The following CTNNA2 variants were observed in gnomAD, a reference collection of about 807,000 sequenced individuals.
The protein encoded by CTNNA2 is catenin alpha-2.
In CTNNA2, 42 loss-of-function variants were observed where a neutral mutation model predicts 101.0. That is an observed-to-expected ratio of 0.42 (90% CI 0.32 to 0.54). The LOEUF (loss-of-function observed/expected upper bound fraction) is 0.54, where lower values mean the gene tolerates loss of function less well. CTNNA2 is among the 20% of genes least tolerant of loss of function. CTNNA2 has a pLI of 0.14. For missense variants in CTNNA2, 871 were observed against 1,223.1 expected (o/e 0.71, Z 4.29); for synonymous variants, 450 against 456.4 (o/e 0.99, Z 0.18).
chr2:80,327,664 A>T lies in CTNNA2; in HGVS notation c.1057-65547A>T, dbSNP rs140292200. Reference sequence around the variant, plus strand: ...GGACGTGTGGAAATCTAAGTATGTTATCATTCACTGACAACCACTAATGAA... The same window carrying T: ...GGACGTGTGGAAATCTAAGTATGTTTTCATTCACTGACAACCACTAATGAA... On this transcript the variant is annotated intron_variant, in intron 7 of 18. Coordinates refer to ENST00000402739, the MANE Select transcript of CTNNA2 (RefSeq NM_001282597.3). Among the ~76,000 whole-genome samples the T allele has an allele frequency of 7.1e-3, 1,078 of 152,354 alleles. 14 individuals carry two copies. Among genetic ancestry groups the T allele is most frequent in the African/African-American group, 0.024 (1,016 of 41,580 alleles).
At chr2:80,411,546 TTACTC>T (rs1679575925) in intron 8 of CTNNA2, among the ~76,000 whole-genome samples, 1 of 152,164 alleles carries the variant, frequency 6.6e-6, no homozygotes, top group Non-Finnish European at 1.5e-5. Flanking sequence ...TATATATACT[TTACTC>T]GTTCAGGAAT....
chr2:80,209,103 C>T (rs1245096949), intron 7 of CTNNA2, among the ~76,000 whole-genome samples: 1 of 151,964 alleles, frequency 6.6e-6, no homozygotes, highest in Admixed American at 6.6e-5. Context: ...TGTGAAACCA[C>T]CAACTACATC....
intron 9 of CTNNA2, among the ~76,000 whole-genome samples, chr2:80,490,536 T>C (rs190022170): frequency 6.6e-6 from 1 of 152,274 alleles, no homozygotes; most frequent in Admixed American, 6.5e-5. Flanking sequence ...ATAAAACTAC[T>C]CTTTGTCTGT....
chr2:80,576,358 C>T (rs1473774091), intron 13 of CTNNA2: 1 of 141,850 alleles, frequency 7.0e-6, no homozygotes, highest in Non-Finnish European at 1.5e-5. Context: ...CAATCTACCC[C>T]TCTTCCATGA....
chr2:80,409,171 C>T (rs1006127118), intron 8 of CTNNA2, among the ~76,000 whole-genome samples: 3 of 152,100 alleles, frequency 2.0e-5, no homozygotes, highest in Non-Finnish European at 4.4e-5. Context: ...TCCACCTTCA[C>T]CCTTGCCACC....
At chr2:80,271,098 T>A (rs1349138501) in intron 7 of CTNNA2, among the ~76,000 whole-genome samples, 1 of 152,208 alleles carries the variant, frequency 6.6e-6, no homozygotes, top group East Asian at 1.9e-4. Context: ...TGGACTATTT[T>A]GCTGTTAGTG....
At chr2:80,018,788 A>AG (rs1694343438) in intron 7 of CTNNA2, among the ~76,000 whole-genome samples, 1 of 151,902 alleles carries the variant, frequency 6.6e-6, no homozygotes, top group South Asian at 2.1e-4. Flanking sequence ...GTAAAAAAAA[A>AG]AAAAAAAAAA....
At chr2:80,473,077 T>G (rs1391135042) in intron 9 of CTNNA2, among the ~76,000 whole-genome samples, 2 of 152,190 alleles carry the variant, frequency 1.3e-5, no homozygotes, top group Non-Finnish European at 2.9e-5. Flanking sequence ...TTAAGGACAG[T>G]ACTATTTGAG....
intron 3 of CTNNA2, among the ~76,000 whole-genome samples, chr2:79,772,245 G>T (rs574475339): frequency 1.1e-4 from 17 of 152,034 alleles, no homozygotes; most frequent in Non-Finnish European, 1.2e-4. Flanking sequence ...TAATCAGTTT[G>T]ATATTAAAAA....
intron 2 of CTNNA2, among the ~76,000 whole-genome samples, chr2:79,225,106 G>A (rs543910164): frequency 2.3e-4 from 35 of 151,818 alleles, no homozygotes; most frequent in African/African-American, 7.5e-4. Context: ...GTCTTTTTGC[G>A]GATATATATT....
intron 2 of CTNNA2, among the ~76,000 whole-genome samples, chr2:79,233,953 C>T (rs188966243): frequency 6.7e-6 from 1 of 150,212 alleles, no homozygotes; most frequent in Non-Finnish European, 1.5e-5. Context: ...TGAGATGCAT[C>T]TCATGAAAAG....
At chr2:79,808,752 G>T (rs1676773100) in intron 3 of CTNNA2, among the ~76,000 whole-genome samples, 1 of 151,352 alleles carries the variant, frequency 6.6e-6, no homozygotes. Flanking sequence ...TTGGGGTCAA[G>T]GTTAATGTTT....
chr2:80,523,735 A>G (rs1166245713), intron 9 of CTNNA2, among the ~76,000 whole-genome samples: 3 of 152,200 alleles, frequency 2.0e-5, no homozygotes, highest in African/African-American at 4.8e-5. Flanking sequence ...AGGTTAATAC[A>G]GAAGAGGCAG....
chr2:80,603,732 G>A (rs992230286), intron 15 of CTNNA2: 2 of 187,730 alleles, frequency 1.1e-5, no homozygotes, highest in Non-Finnish European at 1.1e-5. Flanking sequence ...TTGTTATAAA[G>A]TCAGAATGAG....
At chr2:80,605,014 A>G (rs971816289) in intron 16 of CTNNA2, 3 of 152,006 alleles carry the variant, frequency 2.0e-5, no homozygotes, top group African/African-American at 7.2e-5. Flanking sequence ...GCTCCACCAT[A>G]AACGGGATTA....
At chr2:80,560,096 G>T (rs1224357310) in intron 12 of CTNNA2, among the ~76,000 whole-genome samples, 4 of 150,878 alleles carry the variant, frequency 2.7e-5, no homozygotes, top group Admixed American at 2.0e-4. Context: ...TTTAAAAAGG[G>T]TTCTATGTTA....
At chr2:79,809,087 G>C (rs1036949567) in intron 3 of CTNNA2, among the ~76,000 whole-genome samples, 1 of 152,106 alleles carries the variant, frequency 6.6e-6, no homozygotes, top group African/African-American at 2.4e-5. Flanking sequence ...ATGGTGTCCA[G>C]CTTCATCCAT....
chr2:79,235,093 C>G (rs1226790650), intron 2 of CTNNA2, among the ~76,000 whole-genome samples: 1 of 152,174 alleles, frequency 6.6e-6, no homozygotes, highest in Non-Finnish European at 1.5e-5. Context: ...GGTAAGGGGG[C>G]ACGCTGGCTT....
At chr2:80,542,352 T>C (rs1323601904) in intron 9 of CTNNA2, among the ~76,000 whole-genome samples, 1 of 152,174 alleles carries the variant, frequency 6.6e-6, no homozygotes, top group South Asian at 2.1e-4. Flanking sequence ...TATGATTGCA[T>C]GTATGTACTT....
Sources: allele counts gnomAD v4.1 joint callset (sites outside exome capture counted in the v4.1 genomes callset), GRCh38; gene constraint gnomAD v4.1.1; transcripts MANE v1.5; gene names NCBI Gene and HGNC (gene_info 2026-07-23, HGNC 2026-07-21).